Variants in CADPS observed in about 807,000 individuals in gnomAD.
The protein encoded by CADPS is calcium-dependent secretion activator 1.
In CADPS, 57 loss-of-function variants were observed where a neutral mutation model predicts 167.3. The observed-to-expected ratio is 0.34, with a 90% CI of 0.28 to 0.42. The LOEUF (loss-of-function observed/expected upper bound fraction) is 0.42. CADPS is among the 20% of genes least tolerant of loss of function. The probability of loss-of-function intolerance (pLI) is 1.00; values close to 1 mark genes in which losing one functional copy is unlikely to be tolerated. For synonymous variants in CADPS, 676 were observed against 635.3 expected (o/e 1.06, Z -0.96); for missense variants, 1,414 against 1,738.1 (o/e 0.81, Z 3.32).
intron 8 of CADPS, among the ~76,000 whole-genome samples, chr3:62,583,700 C>T (rs1485183028): frequency 6.6e-6 from 1 of 152,180 alleles, no homozygotes; most frequent in Non-Finnish European, 1.5e-5. Flanking sequence ...GTGACCTTTG[C>T]TTCCTCTGGA....
chr3:62,491,124 T>C (rs1056381277), intron 21 of CADPS, among the ~76,000 whole-genome samples: 2 of 152,138 alleles, frequency 1.3e-5, no homozygotes, highest in Non-Finnish European at 2.9e-5. Context: ...TGAAACGTTT[T>C]TTCAGCCTCT....
At position 62,514,597 on chromosome 3, in the gene CADPS, A is replaced by T. The variant is rs1267158264; in HGVS notation, c.2581+1462T>A. On this transcript the variant is annotated intron_variant, in intron 16 of 29. Transcript: ENST00000383710. This position sits in a 1 kb window ranked among gnomAD's most constrained non-coding sequence, Gnocchi z 4.2. ...GACCAGCTGATCTACTTTGGAAATG[A>T]ATGCATTTTTACTTACAGATCTTAA... Among the ~76,000 whole-genome samples the T allele has an allele frequency of 6.6e-6, 1 of 152,160 alleles. No individual in the cohort carries two copies. Among genetic ancestry groups the T allele is most frequent in the African/African-American group, 2.4e-5 (1 of 41,450 alleles).
At chr3:62,588,469 T>A (rs1488129893) in intron 7 of CADPS, among the ~76,000 whole-genome samples, 1 of 152,080 alleles carries the variant, frequency 6.6e-6, no homozygotes, top group Non-Finnish European at 1.5e-5. Context: ...AATCCTATAA[T>A]ATTGCAGGGT....
At chr3:62,466,225 C>G (rs1401480660) in intron 25 of CADPS, 114 bp downstream of exon 25, 1 of 690,890 alleles carries the variant, frequency 1.4e-6, no homozygotes, top group African/African-American at 1.8e-5. Flanking sequence ...AATCTTGTTT[C>G]CTGAGAGACA....
intron 3 of CADPS, among the ~76,000 whole-genome samples, chr3:62,726,237 A>T (rs1466431891): frequency 1.3e-5 from 2 of 151,836 alleles, no homozygotes; most frequent in African/African-American, 2.4e-5. Context: ...CCTGGCATAA[A>T]TCCACCTTGG....
intron 3 of CADPS, among the ~76,000 whole-genome samples, chr3:62,699,316 C>T (rs1349083024): frequency 1.3e-5 from 2 of 151,844 alleles, no homozygotes; most frequent in Non-Finnish European, 2.9e-5. Context: ...GGATTACCGG[C>T]GTGAGCCACT....
intron 27 of CADPS, among the ~76,000 whole-genome samples, chr3:62,444,841 A>G (rs2056948706): frequency 6.6e-6 from 1 of 152,232 alleles, no homozygotes; most frequent in Non-Finnish European, 1.5e-5. Flanking sequence ...ATTTTAACAA[A>G]TAAGTATTTG....
At chr3:62,537,810 G>A (rs1346340460) in intron 11 of CADPS, among the ~76,000 whole-genome samples, 1 of 151,732 alleles carries the variant, frequency 6.6e-6, no homozygotes, top group Non-Finnish European at 1.5e-5. Flanking sequence ...TCCAGATGAT[G>A]ATTTCTCCTA....
chr3:62,776,164 A>G (rs956430235), intron 1 of CADPS, among the ~76,000 whole-genome samples: 1 of 152,208 alleles, frequency 6.6e-6, no homozygotes, highest in Admixed American at 6.5e-5. Context: ...CTAGTAGTGA[A>G]TCTACTACCA....
chr3:62,487,048 G>C (rs2062934167), intron 21 of CADPS, among the ~76,000 whole-genome samples: 1 of 152,152 alleles, frequency 6.6e-6, no homozygotes, highest in Admixed American at 6.5e-5. Flanking sequence ...CCCCATCCTT[G>C]TTTTAGCTAG....
At chr3:62,572,069 C>A (rs1462877781) in intron 8 of CADPS, among the ~76,000 whole-genome samples, 1 of 152,206 alleles carries the variant, frequency 6.6e-6, no homozygotes, top group Non-Finnish European at 1.5e-5. Context: ...TCAACACCCA[C>A]TGGAAAACTT....
In CADPS at chr3:62,466,392, C is replaced by T. The variant is rs200712817; in HGVS notation, c.3499G>A (p.Asp1167Asn). Residue 1167 changes from aspartate to asparagine, a missense_variant, in exon 25 of 30, where the codon GAC becomes AAC. By Grantham distance (23) the Asp-to-Asn change is conservative (BLOSUM62 1). This residue lies in a region of CADPS where 185 missense variants were observed against 251.5 expected (regional missense o/e 0.74). Transcript: ENST00000383710. Reference sequence around the variant, plus strand: ...TTAACAGTTTCTTCAATTAGTTCGTCTATTTTTGAATGGTATTGATGCTAA... The same window carrying T: ...TTAACAGTTTCTTCAATTAGTTCGTTTATTTTTGAATGGTATTGATGCTAA... ...GQEHQYHSKI[D>N]ELIEETVKEM... 6.2e-7 allele frequency: 1 copy of T among 1,610,738 alleles called. No homozygotes were observed. Among genetic ancestry groups the T allele is most frequent in the African/African-American group, 1.3e-5 (1 of 74,974 alleles).
intron 28 of CADPS, among the ~76,000 whole-genome samples, chr3:62,413,342 A>G (rs977171415): frequency 1.3e-5 from 2 of 152,202 alleles, no homozygotes; most frequent in African/African-American, 4.8e-5. Context: ...TAGCAGCTTT[A>G]TTCACAATAG....
At chr3:62,731,805 C>CAAAAAAAAAAAAAAAAA (rs1212456893) in intron 3 of CADPS, among the ~76,000 whole-genome samples, 31 of 27,136 alleles carry the variant, frequency 1.1e-3, no homozygotes, top group South Asian at 1.7e-3. Context: ...TGATCATATG[C>CAAAAAAAAAAAAAAAAA]AAAAAAAAAA....
chr3:62,477,888 T>A (rs2061522990), intron 23 of CADPS: 1 of 198,588 alleles, frequency 5.0e-6, no homozygotes, highest in Non-Finnish European at 1.1e-5. Context: ...TTGCATATTC[T>A]TCTTTTTTTC....
intron 2 of CADPS, among the ~76,000 whole-genome samples, chr3:62,756,472 CT>C (rs917866664): frequency 6.6e-6 from 1 of 152,190 alleles, no homozygotes. Flanking sequence ...CCCATTCATC[CT>C]TTCTTTGGTT....
In CADPS at chr3:62,549,908, TGA is replaced by T; in HGVS notation, c.1959_1960del (p.Gln654IlefsTer5). 6.2e-7 allele frequency: 1 copy of T among 1,613,140 alleles called. No homozygotes were observed. Among genetic ancestry groups the T allele is most frequent in the Non-Finnish European group, 8.5e-7 (1 of 1,179,178 alleles). ...AAAACGGCATATTTACTTACAAAAT[TGA>T]GAGATAGGGGCATCCAGCTGAGGTA... On this transcript the variant is annotated frameshift_variant, in exon 11 of 30. Coordinates refer to ENST00000383710, the MANE Select transcript of CADPS (RefSeq NM_003716.4). LOFTEE classifies it high-confidence loss of function.
At chr3:62,423,843 GAAAT>G (rs2149467687) in intron 28 of CADPS, among the ~76,000 whole-genome samples, 1 of 152,240 alleles carries the variant, frequency 6.6e-6, no homozygotes, top group East Asian at 1.9e-4. Flanking sequence ...GGATTTAAAA[GAAAT>G]AACACATTTA....
chr3:62,592,808 T>C, intron 6 of CADPS, 60 bp from the exon 7 acceptor site: 1 of 1,258,008 alleles, frequency 7.9e-7, no homozygotes, highest in South Asian at 1.3e-5. Context: ...TCTAAACTAT[T>C]CCATTGTTCC....
Sources: allele counts gnomAD v4.1 joint callset (sites outside exome capture counted in the v4.1 genomes callset), GRCh38; gene constraint gnomAD v4.1.1; regional missense constraint gnomAD v4.1.1; non-coding constraint Gnocchi (gnomAD v3.1); transcripts MANE v1.5; gene names NCBI Gene and HGNC (gene_info 2026-07-23, HGNC 2026-07-21).